Variants in RASL12 observed in about 807,000 individuals in gnomAD.
RASL12 encodes RAS like family 12.
In RASL12, 16 loss-of-function variants were observed where a neutral mutation model predicts 22.9. The observed-to-expected ratio is 0.70, with a 90% confidence interval of 0.47 to 1.06. The LOEUF (loss-of-function observed/expected upper bound fraction) is 1.06, where lower values mean the gene tolerates loss of function less well. Ranked by LOEUF, RASL12 falls within the 50% of genes least tolerant of loss-of-function variation. The probability of loss-of-function intolerance (pLI) is 0.00; values close to 1 mark genes in which losing one functional copy is unlikely to be tolerated. For missense variants in RASL12, 306 were observed against 353.1 expected, an observed-to-expected ratio of 0.87 and a Z score of 1.07; for synonymous variants, 159 against 152.2, an observed-to-expected ratio of 1.04 and a Z score of -0.33.
intron 1 of RASL12, 51 bp downstream of exon 1, chr15:65,067,682 A>C (rs1161815087): frequency 6.7e-7 from 1 of 1,499,142 alleles, no homozygotes; most frequent in South Asian, 1.2e-5. Context: ...CTGTCCCCCC[A>C]CCCACGCCCA....
intron 3 of RASL12, among the ~76,000 whole-genome samples, chr15:65,058,859 CAA>C (rs1229465659): frequency 6.6e-6 from 1 of 152,280 alleles, no homozygotes; most frequent in Non-Finnish European, 1.5e-5. Flanking sequence ...GGCCCAGAGC[CAA>C]AGACTCTGGC....
intron 1 of RASL12, among the ~76,000 whole-genome samples, chr15:65,075,220 C>G (rs928010157): frequency 2.0e-5 from 3 of 152,234 alleles, no homozygotes; most frequent in African/African-American, 7.2e-5. Flanking sequence ...AGCCCACCGG[C>G]GCTGTGCTTG....
intron 2 of RASL12, 89 bp from the exon 3 acceptor site, chr15:65,059,507 G>T (rs2086777083): frequency 9.9e-7 from 1 of 1,011,692 alleles, no homozygotes; most frequent in Non-Finnish European, 1.6e-6. Flanking sequence ...TGTGGCCTGG[G>T]GGGACCTTAG....
downstream of RASL12, chr15:65,051,444 C>T (rs1595900901): frequency 1.4e-6 from 2 of 1,439,788 alleles, no homozygotes; most frequent in Non-Finnish European, 2.0e-6. Context: ...TGAGCCCAGG[C>T]CCCAGCTGTT....
chr15:65,053,611 G>C lies in RASL12; in HGVS notation c.*1288C>G. On this transcript the variant is annotated 3_prime_UTR_variant, in exon 5 of 5. Transcript: ENST00000220062. The stretch of plus-strand genomic sequence containing the variant: ...CAGAGATGCTGTTTGCAATCCAACA[G>C]TAGTCCTGAGACGGCTGAGAGGGGA... 1 of 996,106 alleles carries C rather than the reference G, an allele frequency of 1.0e-6. No individual in the cohort carries two copies. The highest frequency in any genetic ancestry group is 5.2e-4 in the Middle Eastern group (1 of 1,934). 61.7% of individuals were successfully genotyped at this position (996,106 alleles called of 1,614,324 possible).
upstream of RASL12, among the ~76,000 whole-genome samples, chr15:65,070,968 G>T (rs189247996): frequency 1.9e-3 from 290 of 152,230 alleles, 1 homozygote; most frequent in African/African-American, 6.2e-3. Flanking sequence ...CTGACTCCCA[G>T]TCCAGTGCTC....
chr15:65,071,337 G>T (rs1371799837), upstream of RASL12, among the ~76,000 whole-genome samples: 1 of 152,146 alleles, frequency 6.6e-6, no homozygotes, highest in African/African-American at 2.4e-5. Flanking sequence ...AGGTTGGTGT[G>T]GGGTCGAGCA....
In RASL12 at chr15:65,059,272, G is replaced by A. The variant is rs891699257; in HGVS notation, c.234+73C>T. 138 of 1,331,036 alleles carry A rather than the reference G, an allele frequency of 1.0e-4. 1 individual carries two copies. Among genetic ancestry groups the A allele is most frequent in the Non-Finnish European group, 1.4e-4 (125 of 924,496 alleles). 82.5% of individuals were successfully genotyped at this position (1,331,036 alleles called of 1,614,324 possible). On this transcript the variant is annotated intron_variant, in intron 3 of 4. Coordinates refer to ENST00000220062, the MANE Select transcript of RASL12 (RefSeq NM_016563.4). ...CATCTAAATGCCTATCTGAGGTCCC[G>A]CACTCTGGGCCAGGACTTCTCAGGA...
rs1157954879 is a variant in RASL12 at position 65,053,992 on chromosome 15, A to G, written c.*907T>C. On this transcript the variant is annotated 3_prime_UTR_variant, in exon 5 of 5. Transcript: ENST00000220062. ...TGCTGAGGGTCCTGGGTCCTGCCAA[A>G]CCAGATGACAAACGGGTATACTGTG... 6 of 985,698 alleles carry G rather than the reference A, an allele frequency of 6.1e-6. No homozygotes were observed. The African/African-American group carries it at 1.0e-4, about 17-fold the overall frequency. The allele number at this position is 985,698 out of a possible 1,614,324, so 61.1% of individuals were successfully genotyped here. A position where few individuals can be genotyped will look rare whatever the true frequency, so the allele number is the denominator to read the frequency against.
At chr15:65,051,323 A>C (rs1486403675), downstream of RASL12, among the ~76,000 whole-genome samples, 2 of 152,238 alleles carry the variant, frequency 1.3e-5, no homozygotes, top group African/African-American at 2.4e-5. Flanking sequence ...TCTCCAGAGT[A>C]GAGACTGTCT....
Position 65,055,031 on chromosome 15 carries a change from C to T in RASL12, c.669G>A (p.Thr223=), listed in dbSNP as rs185115218. 24 of 1,613,792 alleles carry T rather than the reference C, an allele frequency of 1.5e-5. No homozygotes were observed. The highest frequency in any genetic ancestry group is 1.0e-4 in the Admixed American group (6 of 59,984). ...TCTCCTTCAGGTTGATGGTGGAGAG[C>T]GTGTTGAAGGTGCAGCTGGCCAGCC... The part of the protein sequence containing the change: ...RHGLASCTFN[T]LSTINLKEMP... Residue 223 remains threonine, a synonymous_variant, in exon 5 of 5, where the codon ACG becomes ACA. Coordinates refer to ENST00000220062, the MANE Select transcript of RASL12 (RefSeq NM_016563.4).
At chr15:65,065,388 G>T in intron 1 of RASL12, 115 bp from the exon 2 acceptor site, 1 of 950,186 alleles carries the variant, frequency 1.1e-6, no homozygotes, top group Non-Finnish European at 1.6e-6. Flanking sequence ...ACCAAGCTCA[G>T]CTCTCCCAGA....
intron 2 of RASL12, among the ~76,000 whole-genome samples, chr15:65,059,945 C>T (rs2086782148): frequency 6.6e-6 from 1 of 152,210 alleles, no homozygotes; most frequent in Admixed American, 6.5e-5. Context: ...AACATGACAG[C>T]AGGGGAGTCT....
chr15:65,058,004 G>A (rs957395336), intron 4 of RASL12, among the ~76,000 whole-genome samples: 1 of 152,208 alleles, frequency 6.6e-6, no homozygotes, highest in Non-Finnish European at 1.5e-5. Context: ...GGGCACGGTG[G>A]CTCACGCCTG....
chr15:65,058,721 A>AT, intron 3 of RASL12, 104 bp from the exon 4 acceptor site: 1 of 851,572 alleles, frequency 1.2e-6, no homozygotes, highest in Non-Finnish European at 1.7e-6. Flanking sequence ...GTCTTTGTAT[A>AT]TTGTTTCTCA....
At chr15:65,066,219 A>G (rs2140531855) in intron 1 of RASL12, among the ~76,000 whole-genome samples, 1 of 152,148 alleles carries the variant, frequency 6.6e-6, no homozygotes, top group East Asian at 1.9e-4. Context: ...AAGAAAAGAG[A>G]AAGAAACAAA....
chr15:65,056,790 T>C (rs965941655), intron 4 of RASL12, among the ~76,000 whole-genome samples: 1 of 152,202 alleles, frequency 6.6e-6, no homozygotes, highest in African/African-American at 2.4e-5. Flanking sequence ...AATCCTAATC[T>C]ACTAAACTTG....
downstream of RASL12, among the ~76,000 whole-genome samples, chr15:65,048,792 T>A (rs2086608550): frequency 6.6e-6 from 1 of 152,162 alleles, no homozygotes. Context: ...GTGGATCACC[T>A]GAGGTCAAGA....
At position 65,053,354 on chromosome 15, in the gene RASL12, AT is replaced by A. The variant is rs1192475423; in HGVS notation, c.*1544del. 1 of 1,412,518 alleles carries A rather than the reference AT, an allele frequency of 7.1e-7. No homozygotes were observed. Among genetic ancestry groups the A allele is most frequent in the African/African-American group, 1.4e-5 (1 of 69,118 alleles). 87.5% of individuals were successfully genotyped at this position (1,412,518 alleles called of 1,614,324 possible). On this transcript the variant is annotated 3_prime_UTR_variant, in exon 5 of 5. Transcript: ENST00000220062. ...AACTAAAATTCTGTTATTAAAAAAA[AT>A]CTTTTATTAAAATGCTCCTGGAAGG... is the stretch of plus-strand genomic sequence containing the variant.
Sources: allele counts gnomAD v4.1 joint callset (sites outside exome capture counted in the v4.1 genomes callset), GRCh38; gene constraint gnomAD v4.1.1; transcripts MANE v1.5; gene names NCBI Gene and HGNC (gene_info 2026-07-23, HGNC 2026-07-21).